ZFY: variants seen among roughly 807,000 people sequenced by gnomAD.
ZFY encodes zinc finger Y-chromosomal protein.
For synonymous variants in ZFY, 47 were observed against 55.8 expected, an observed-to-expected ratio of 0.84 and a Z score of 0.71; for missense variants, 113 against 170.9, an observed-to-expected ratio of 0.66 and a Z score of 1.89.
chrY:2,955,545 T>G (rs2051290510), intron 2 of ZFY, among the ~76,000 whole-genome samples: 1 of 34,484 alleles, frequency 2.9e-5, no homozygotes, highest in Non-Finnish European at 7.3e-5. Context: ...GACCTGGGAA[T>G]AATCCTTTTT....
chrY:2,961,711 A>G, intron 3 of ZFY, 65 bp downstream of exon 3: 4 of 296,895 alleles, frequency 1.3e-5, no homozygotes, highest in South Asian at 9.9e-5. Flanking sequence ...AACATAAATA[A>G]TGGTGAAATT....
intron 1 of ZFY, among the ~76,000 whole-genome samples, chrY:2,945,075 G>C (rs2051258047): frequency 3.1e-5 from 1 of 32,368 alleles, no homozygotes; most frequent in African/African-American, 1.2e-4. Flanking sequence ...TTGATCTATT[G>C]AAAGTTTCTT....
chrY:2,981,120 T>A lies in ZFY; in HGVS notation c.*1127T>A. ...AGATTTCATAGTATTTTTCTGAGAA[T>A]CCTGTGAAGGAACGCTGTCTCTTTG... On this transcript the variant is annotated 3_prime_UTR_variant, in exon 8 of 8. Transcript: ENST00000155093. 1 of 33,257 alleles carries A rather than the reference T, an allele frequency of 3.0e-5. No individual in the cohort carries two copies. Among genetic ancestry groups the A allele is most frequent in the Non-Finnish European group, 7.5e-5 (1 of 13,365 alleles). The allele number at this position is 33,257 out of a possible 400,897, so 8.3% of individuals were successfully genotyped here.
chrY:2,963,070 C>T, intron 3 of ZFY, among the ~76,000 whole-genome samples: 2 of 32,193 alleles, frequency 6.2e-5, no homozygotes, highest in East Asian at 7.9e-4. Flanking sequence ...AAAGGAAGTA[C>T]GGTCTGATTT....
chrY:2,963,241 C>G, intron 3 of ZFY, among the ~76,000 whole-genome samples: 2 of 33,088 alleles, frequency 6.0e-5, no homozygotes, highest in Non-Finnish European at 1.5e-4. Context: ...ACTTTACAAT[C>G]TAAAATATGT....
Position 2,944,174 on chromosome Y carries a change from A to AT in ZFY, c.-29+8413dup, listed in dbSNP as rs767638688. Among the ~76,000 whole-genome samples, 5 of 32,444 alleles carry AT rather than the reference A, an allele frequency of 1.5e-4. No individual in the cohort carries two copies. The South Asian group carries it at 2.0e-3, about 13-fold the overall frequency. 87.0% of individuals were successfully genotyped at this position (32,444 alleles called of 37,273 possible). On this transcript the variant is annotated intron_variant, in intron 1 of 7. Transcript: ENST00000155093. ...ATAGTGAGATTTAGCAGTAATAACGATTTTTTTTGCATTTTTTGTACAATT... is the reference window on the plus strand; with the variant it reads ...ATAGTGAGATTTAGCAGTAATAACGATTTTTTTTTGCATTTTTTGTACAATT...
intron 1 of ZFY, among the ~76,000 whole-genome samples, chrY:2,952,332 C>T (rs2124504158): frequency 2.9e-5 from 1 of 33,981 alleles, no homozygotes; most frequent in Non-Finnish European, 7.3e-5. Context: ...CATTCATTGC[C>T]TTAATTTCAT....
intron 1 of ZFY, among the ~76,000 whole-genome samples, chrY:2,947,211 A>C (rs1420855220): frequency 2.9e-5 from 1 of 34,261 alleles, no homozygotes; most frequent in South Asian, 6.2e-4. Flanking sequence ...TATAGATGAA[A>C]TAAACATTAT....
At chrY:2,969,055 G>T in intron 3 of ZFY, among the ~76,000 whole-genome samples, 1 of 34,020 alleles carries the variant, frequency 2.9e-5, no homozygotes, top group Non-Finnish European at 7.3e-5. Context: ...ATTAATCTTA[G>T]TAGAGAGGAC....
intron 3 of ZFY, among the ~76,000 whole-genome samples, chrY:2,965,906 TTAGA>T (rs2051326146): frequency 2.9e-5 from 1 of 34,010 alleles, no homozygotes; most frequent in African/African-American, 1.1e-4. Context: ...TTTTATGTAA[TTAGA>T]TAGACTTTTA....
chrY:2,946,117 AG>A (rs2051261766), intron 1 of ZFY, among the ~76,000 whole-genome samples: 1 of 31,444 alleles, frequency 3.2e-5, no homozygotes, highest in African/African-American at 1.2e-4. Context: ...GCATGCAAGG[AG>A]GTTTTTTTTT....
At position 2,935,504 on chromosome Y, in the gene ZFY, G is replaced by C; in HGVS notation, c.-294G>C. 2.9e-5 allele frequency: 1 copy of C among 34,866 alleles called. No homozygotes were observed. The allele number at this position is 34,866 out of a possible 400,897, so 8.7% of individuals were successfully genotyped here. A position where few individuals can be genotyped will look rare whatever the true frequency, so the allele number is the denominator to read the frequency against. ...CTAGTGCGCGCGCAGTAACCTGTTT[G>C]TGGCCTGGTCGGCGTCCCGTAGGGC... On this transcript the variant is annotated 5_prime_UTR_variant, in exon 1 of 8. Transcript: ENST00000155093.
At chrY:2,952,044 G>A in intron 1 of ZFY, among the ~76,000 whole-genome samples, 1 of 30,780 alleles carries the variant, frequency 3.2e-5, no homozygotes, top group Non-Finnish European at 7.8e-5. Flanking sequence ...TCAGCCTTCC[G>A]AGTAGCTGGG....
intron 1 of ZFY, among the ~76,000 whole-genome samples, chrY:2,937,004 T>C: frequency 9.1e-5 from 3 of 32,930 alleles, no homozygotes; most frequent in African/African-American, 2.4e-4. Context: ...GATGCAAATA[T>C]TTACGGTTTT....
In ZFY at chrY:2,975,587, T is replaced by G; in HGVS notation, c.861T>G (p.Ile287Met). 1 of 397,298 alleles carries G rather than the reference T, an allele frequency of 2.5e-6. No individual in the cohort carries two copies. Residue 287 changes from isoleucine (I) to methionine (M), a missense_variant, in exon 5 of 8, where the codon ATT becomes ATG. By Grantham distance (10) the Ile-to-Met change is conservative. Coordinates refer to ENST00000155093, the MANE Select transcript of ZFY (RefSeq NM_003411.4). ...GVELLDQNSS[I>M]RVPREKMVYM... ...AACTACTTGATCAGAACAGCAGTAT[T>G]CGTGTTCCCAGGGAAAAGATGGTTT...
rs751283640 is a variant in ZFY, at chrY:2,945,840, G to A, written c.-28-8069G>A. On this transcript the variant is annotated intron_variant, in intron 1 of 7. Coordinates refer to ENST00000155093, the MANE Select transcript of ZFY (RefSeq NM_003411.4). ...TTTTTCCCTTTGTTTTCAAATGTAT[G>A]TATTTATTTATTGGGCTGTATTGTT... 2.1e-4 allele frequency among the ~76,000 whole-genome samples: 7 copies of A among 33,158 alleles called. No individual in the cohort carries two copies. The South Asian group carries it at 4.6e-3, about 22-fold the overall frequency. 89.0% of individuals were successfully genotyped at this position (33,158 alleles called of 37,273 possible).
intron 3 of ZFY, among the ~76,000 whole-genome samples, chrY:2,967,758 T>C: frequency 3.2e-5 from 1 of 31,012 alleles, no homozygotes; most frequent in African/African-American, 1.3e-4. Flanking sequence ...AGAGATGGGG[T>C]TTCACCTTGT....
chrY:2,938,983 TTATA>T (rs765202788), intron 1 of ZFY, among the ~76,000 whole-genome samples: 357 of 5,147 alleles, frequency 0.069, no homozygotes, highest in East Asian at 0.098. Context: ...CATACAGTGC[TTATA>T]TATATATATA....
At chrY:2,958,037 TGTAG>T (rs2051298589) in intron 2 of ZFY, among the ~76,000 whole-genome samples, 1 of 33,669 alleles carries the variant, frequency 3.0e-5, no homozygotes, top group African/African-American at 1.2e-4. Flanking sequence ...ATGTGGCCAC[TGTAG>T]GCAAGGCTAA....
Sources: gnomAD v4.1 joint callset for allele counts (sites outside exome capture counted in the v4.1 genomes callset) on GRCh38, gnomAD v4.1.1 for gene constraint, MANE v1.5 for transcripts, NCBI Gene and HGNC (gene_info 2026-07-23, HGNC 2026-07-21) for gene names.